The following ASTN2 variants were observed in gnomAD, a reference collection of about 807,000 sequenced individuals.
ASTN2 encodes astrotactin-2.
In ASTN2, 54 loss-of-function variants were observed where a neutral mutation model predicts 139.8. The ratio of observed to expected loss-of-function variants is 0.39; its 90% CI spans 0.31 to 0.48. The LOEUF (loss-of-function observed/expected upper bound fraction) is 0.48, where lower values mean the gene tolerates loss of function less well. ASTN2 is among the 20% of genes least tolerant of loss of function. The probability of loss-of-function intolerance (pLI) is 0.95; values close to 1 mark genes in which losing one functional copy is unlikely to be tolerated. For missense variants in ASTN2, 1,565 were observed against 1,725.1 expected (o/e 0.91, Z 1.64); for synonymous variants, 756 against 719.5 (o/e 1.05, Z -0.81).
intron 2 of ASTN2, among the ~76,000 whole-genome samples, chr9:117,224,331 AAC>A (rs1466580091): frequency 1.3e-5 from 2 of 152,226 alleles, no homozygotes; most frequent in Admixed American, 6.5e-5. Flanking sequence ...TGCAGTGTAT[AAC>A]ACAGTTAGCT....
chr9:116,774,124 C>T lies in ASTN2; in HGVS notation c.2396+31508G>A, dbSNP rs183255509. The stretch of plus-strand genomic sequence containing the variant: ...AAACTGACATTGCATGCAGCAGACT[C>T]CTCAGTATTCATCTGTATCTCTCTG... On this transcript the variant is annotated intron_variant, in intron 13 of 22. Coordinates refer to ENST00000313400, the MANE Select transcript of ASTN2 (RefSeq NM_001365068.1). Among the ~76,000 whole-genome samples the T allele has an allele frequency of 1.8e-3, 267 of 152,272 alleles. 1 individual carries two copies. Among genetic ancestry groups the T allele is most frequent in the South Asian group, 3.1e-3 (15 of 4,826 alleles).
chr9:117,205,928 C>G (rs1831905779), intron 3 of ASTN2, among the ~76,000 whole-genome samples: 1 of 152,186 alleles, frequency 6.6e-6, no homozygotes, highest in Non-Finnish European at 1.5e-5. Context: ...GTAAACACAT[C>G]CTGTGCTTAT....
At chr9:117,144,153 C>G (rs1830137182) in intron 3 of ASTN2, among the ~76,000 whole-genome samples, 1 of 152,138 alleles carries the variant, frequency 6.6e-6, no homozygotes, top group African/African-American at 2.4e-5. Context: ...TGAGGGAAGG[C>G]TGTGAGAGGA....
chr9:116,944,681 C>CAAAAA (rs34943919), intron 10 of ASTN2, among the ~76,000 whole-genome samples: 1 of 53,352 alleles, frequency 1.9e-5, no homozygotes, highest in African/African-American at 7.2e-5. Flanking sequence ...GACTCTGTCT[C>CAAAAA]AAAAAAAAAA....
chr9:117,134,295 TACACACACACACACACACACACACACAC>T (rs3041140), intron 4 of ASTN2, among the ~76,000 whole-genome samples: 1 of 75,808 alleles, frequency 1.3e-5, no homozygotes, highest in Non-Finnish European at 2.6e-5. Flanking sequence ...TATATATATA[TACACACACACACACACACACACACACAC>T]ACACACACAC....
At chr9:116,499,365 G>A (rs1849779890) in intron 19 of ASTN2, among the ~76,000 whole-genome samples, 1 of 152,100 alleles carries the variant, frequency 6.6e-6, no homozygotes, top group South Asian at 2.1e-4. Flanking sequence ...CTCAGTCAAG[G>A]TTTTGTAAAC....
chr9:116,894,658 C>T (rs4837998), intron 10 of ASTN2, among the ~76,000 whole-genome samples: 150,361 of 152,182 alleles, frequency 0.99, 74,311 homozygotes, highest in East Asian at 1. Context: ...CCTGGGCTGG[C>T]CTCCTGGGAT....
At chr9:116,886,758 T>C (rs1833608501) in intron 10 of ASTN2, among the ~76,000 whole-genome samples, 2 of 152,196 alleles carry the variant, frequency 1.3e-5, no homozygotes, top group South Asian at 4.1e-4. Context: ...GAGCATCTAT[T>C]ACATGATAGG....
chr9:117,414,665 C>T lies in ASTN2; in HGVS notation c.274G>A (p.Ala92Thr), dbSNP rs1291710787. 5 of 1,266,940 alleles carry T rather than the reference C, an allele frequency of 3.9e-6. No homozygotes were observed. Among genetic ancestry groups the T allele is most frequent in the Admixed American group, 8.1e-5 (2 of 24,702 alleles). The allele number at this position is 1,266,940 out of a possible 1,614,324, so 78.5% of individuals were successfully genotyped here. ...GWSGARAGAG[A>T]GTGAGAAAAA... is the part of the protein sequence containing the mutation. Reference sequence around the variant, plus strand: ...GCGGCGGCTCCGGCCCCGGTCCCAGCCCCGGCCCCGGCGCGGGCGCCGCTC... The same window carrying T: ...GCGGCGGCTCCGGCCCCGGTCCCAGTCCCGGCCCCGGCGCGGGCGCCGCTC... The change falls in exon 1 of 23, where the codon GCT becomes ACT. Residue 92 changes from alanine (A) to threonine (T), a missense_variant. Coordinates refer to ENST00000313400, the MANE Select transcript of ASTN2 (RefSeq NM_001365068.1). This position sits in a 1 kb window ranked among gnomAD's most constrained non-coding sequence, Gnocchi z 4.2.
At chr9:117,141,744 G>A (rs1312461917) in intron 3 of ASTN2, among the ~76,000 whole-genome samples, 1 of 152,224 alleles carries the variant, frequency 6.6e-6, no homozygotes, top group Non-Finnish European at 1.5e-5. Context: ...CTTGAGACTA[G>A]AGGGCTTGGT....
chr9:117,400,504 C>T (rs1830798629), intron 1 of ASTN2, among the ~76,000 whole-genome samples: 1 of 152,178 alleles, frequency 6.6e-6, no homozygotes, highest in Admixed American at 6.5e-5. Context: ...ACAGTAGGAA[C>T]CCTGCCATTG....
intron 16 of ASTN2, among the ~76,000 whole-genome samples, chr9:116,718,783 C>G (rs1828385801): frequency 1.3e-5 from 2 of 151,828 alleles, no homozygotes; most frequent in South Asian, 4.2e-4. Context: ...CGGACTGGAA[C>G]TATAGCATTG....
At chr9:117,247,718 T>C (rs892396681) in intron 2 of ASTN2, among the ~76,000 whole-genome samples, 13 of 152,350 alleles carry the variant, frequency 8.5e-5, no homozygotes, top group East Asian at 7.7e-4. Context: ...TCCTGAGATC[T>C]GGCTCTGCTT....
intron 1 of ASTN2, among the ~76,000 whole-genome samples, chr9:117,324,973 A>G (rs979621848): frequency 6.6e-5 from 10 of 152,148 alleles, no homozygotes; most frequent in Non-Finnish European, 1.3e-4. Context: ...GCAGAGGCAG[A>G]ACTTGTCTAG....
intron 17 of ASTN2, among the ~76,000 whole-genome samples, chr9:116,621,434 CAT>C (rs949575050): frequency 3.2e-4 from 40 of 123,308 alleles, no homozygotes; most frequent in Admixed American, 8.9e-4. Context: ...CACACACACA[CAT>C]GCACGCACAC....
At chr9:117,404,163 G>C (rs1187202271) in intron 1 of ASTN2, among the ~76,000 whole-genome samples, 1 of 152,332 alleles carries the variant, frequency 6.6e-6, no homozygotes, top group Middle Eastern at 3.4e-3. Flanking sequence ...ACAGTGCCCA[G>C]TGCTGACTAA....
At chr9:117,238,285 G>A (rs970731546) in intron 2 of ASTN2, among the ~76,000 whole-genome samples, 2 of 152,086 alleles carry the variant, frequency 1.3e-5, no homozygotes, top group Admixed American at 1.3e-4. Flanking sequence ...AAAAGAGTGG[G>A]TCCCCTCTGC....
intron 1 of ASTN2, among the ~76,000 whole-genome samples, chr9:117,340,538 G>T (rs1396550761): frequency 6.6e-6 from 1 of 151,898 alleles, no homozygotes; most frequent in Non-Finnish European, 1.5e-5. Context: ...CCTGTGGGGG[G>T]AATGAAGGCA....
chr9:116,861,423 C>T (rs1832880872), intron 11 of ASTN2, among the ~76,000 whole-genome samples: 2 of 152,172 alleles, frequency 1.3e-5, no homozygotes, highest in African/African-American at 4.8e-5. Flanking sequence ...CACAGAACAT[C>T]CTTTTGAGCT....
Sources: allele counts gnomAD v4.1 joint callset (sites outside exome capture counted in the v4.1 genomes callset), GRCh38; gene constraint gnomAD v4.1.1; non-coding constraint Gnocchi (gnomAD v3.1); transcripts MANE v1.5; gene names NCBI Gene and HGNC (gene_info 2026-07-23, HGNC 2026-07-21).